The following JAZF1 variants were observed in gnomAD, a reference collection of about 807,000 sequenced individuals.
The protein encoded by JAZF1 is JAZF zinc finger 1, also known as juxtaposed with another zinc finger protein 1.
JAZF1 carries 8 observed loss-of-function variants against 26.4 expected under a neutral mutation model. The observed-to-expected ratio is 0.30, with a 90% CI of 0.18 to 0.55. JAZF1 has a LOEUF of 0.55. Ranked by LOEUF, JAZF1 falls within the 20% of genes least tolerant of loss-of-function variation. The pLI, the probability that JAZF1 is intolerant of heterozygous loss-of-function variation, is 0.94. For missense variants in JAZF1, 199 were observed against 322.0 expected (o/e 0.62, Z 2.92); for synonymous variants, 126 against 122.3 (o/e 1.03, Z -0.20).
chr7:28,135,759 T>A (rs139227086), intron 1 of JAZF1, among the ~76,000 whole-genome samples: 33 of 152,322 alleles, frequency 2.2e-4, no homozygotes, highest in African/African-American at 7.7e-4. Context: ...CAGTGACATT[T>A]ACAGCAACAC....
Position 28,002,494 on chromosome 7 carries a change from G to A in JAZF1, c.116-10513C>T, listed in dbSNP as rs1782620182. On this transcript the variant is annotated intron_variant, in intron 1 of 4. Coordinates refer to ENST00000283928, the MANE Select transcript of JAZF1 (RefSeq NM_175061.4). ...AGCTGTCTAACTTCTTTAAGCCTCAGTTTTTTTCATCCACAAGAAGTTGAT... is the reference window on the plus strand; with the variant it reads ...AGCTGTCTAACTTCTTTAAGCCTCAATTTTTTTCATCCACAAGAAGTTGAT... 2.0e-5 allele frequency among the ~76,000 whole-genome samples: 3 copies of A among 152,084 alleles called. No homozygotes were observed. In the South Asian group the frequency reaches 6.2e-4, roughly 32 times the overall value.
intron 3 of JAZF1, among the ~76,000 whole-genome samples, chr7:27,891,247 A>G (rs1783972223): frequency 6.6e-6 from 1 of 152,230 alleles, no homozygotes; most frequent in African/African-American, 2.4e-5. Context: ...GTTTTTGTAC[A>G]TAAAGTTTTA....
At position 28,180,623 on chromosome 7, in the gene JAZF1, G is replaced by T. The variant is rs1783631649; in HGVS notation, c.-46C>A. 2.6e-6 allele frequency: 4 copies of T among 1,514,412 alleles called. No homozygotes were observed. The East Asian group carries it at 9.3e-5, about 35-fold the overall frequency. The allele number at this position is 1,514,412 out of a possible 1,614,324, so 93.8% of individuals were successfully genotyped here. Reference sequence around the variant, plus strand: ...CCTGGTGTCGGCTCTGCGAGCGCCGGGCGGGCGAGGGAGGGAGGGAGGCCG... The same window carrying T: ...CCTGGTGTCGGCTCTGCGAGCGCCGTGCGGGCGAGGGAGGGAGGGAGGCCG... On this transcript the variant is annotated 5_prime_UTR_variant, in exon 1 of 5. Transcript: ENST00000283928.
chr7:27,945,653 T>C (rs921868232), intron 2 of JAZF1, among the ~76,000 whole-genome samples: 1 of 152,220 alleles, frequency 6.6e-6, no homozygotes, highest in African/African-American at 2.4e-5. Flanking sequence ...TGCATCGGCA[T>C]TGCCTGGGCA....
At chr7:28,107,936 C>G (rs1369548226) in intron 1 of JAZF1, among the ~76,000 whole-genome samples, 1 of 152,172 alleles carries the variant, frequency 6.6e-6, no homozygotes, top group African/African-American at 2.4e-5. Context: ...GATCCAGCAC[C>G]ACACCCAGGC....
intron 1 of JAZF1, among the ~76,000 whole-genome samples, chr7:28,125,606 T>C (rs1342883467): frequency 2.0e-5 from 3 of 152,202 alleles, no homozygotes; most frequent in Admixed American, 2.0e-4. Context: ...AATGTAAATG[T>C]TGACAATGCT....
At chr7:27,838,899 G>C (rs554161032) in intron 4 of JAZF1, among the ~76,000 whole-genome samples, 1 of 152,274 alleles carries the variant, frequency 6.6e-6, no homozygotes, top group African/African-American at 2.4e-5. Flanking sequence ...CAGTTAATGG[G>C]GCTGGAGCCA....
intron 1 of JAZF1, among the ~76,000 whole-genome samples, chr7:28,078,270 C>T (rs1235505966): frequency 5.3e-5 from 8 of 152,176 alleles, no homozygotes; most frequent in African/African-American, 1.9e-4. Context: ...AGCTGTGCAA[C>T]TCTATGCAAA....
At position 27,830,730 on chromosome 7, in the gene JAZF1, GA is replaced by G; in HGVS notation, c.*2069del. 5.1e-6 allele frequency: 1 copy of G among 195,558 alleles called. No individual in the cohort carries two copies. Among genetic ancestry groups the G allele is most frequent in the Non-Finnish European group, 1.1e-5 (1 of 93,776 alleles). 12.1% of individuals were successfully genotyped at this position (195,558 alleles called of 1,614,324 possible). The stretch of plus-strand genomic sequence containing the variant: ...GTGCTCTGTCCCCAACAAAACATAT[GA>G]AAATATAATTTAAAGCACAGTTTTC... On this transcript the variant is annotated 3_prime_UTR_variant, in exon 5 of 5. Transcript: ENST00000283928.
At chr7:27,989,019 T>C (rs914287287) in intron 2 of JAZF1, among the ~76,000 whole-genome samples, 3 of 150,278 alleles carry the variant, frequency 2.0e-5, no homozygotes, top group African/African-American at 2.4e-5. Context: ...GGAGGCATCA[T>C]GCTTCCTGAC....
chr7:27,936,825 T>C (rs1388764788), intron 2 of JAZF1, among the ~76,000 whole-genome samples: 1 of 152,254 alleles, frequency 6.6e-6, no homozygotes, highest in Admixed American at 6.5e-5. Context: ...GATTCCCTGT[T>C]TATTATCCCC....
At chr7:28,103,355 C>T (rs1428562436) in intron 1 of JAZF1, among the ~76,000 whole-genome samples, 1 of 152,050 alleles carries the variant, frequency 6.6e-6, no homozygotes, top group South Asian at 2.1e-4. Context: ...GTGGGAGGAT[C>T]CCTTGAGGCC....
chr7:27,968,388 T>A (rs1430514605), intron 2 of JAZF1, among the ~76,000 whole-genome samples: 2 of 152,190 alleles, frequency 1.3e-5, no homozygotes, highest in African/African-American at 4.8e-5. Flanking sequence ...TAAGGTAGAA[T>A]TCCAGAGCCT....
chr7:28,049,344 A>G (rs951906657), intron 1 of JAZF1, among the ~76,000 whole-genome samples: 1 of 151,766 alleles, frequency 6.6e-6, no homozygotes, highest in African/African-American at 2.4e-5. Flanking sequence ...TCGGCCTCCC[A>G]AAGTGCTAGG....
At chr7:27,887,842 G>A (rs2128340684) in intron 3 of JAZF1, among the ~76,000 whole-genome samples, 1 of 152,270 alleles carries the variant, frequency 6.6e-6, no homozygotes, top group South Asian at 2.1e-4. Flanking sequence ...AACATTTTCA[G>A]TAGCAAGAAG....
At position 27,832,818 on chromosome 7, in the gene JAZF1, G is replaced by A. The variant is rs749402010; in HGVS notation, c.714C>T (p.Ile238=). ...CAGCATGTTATTGCTGCATCTTCCT[G>A]ATAATCTCAGCCGACACCGGGGGAT... The part of the protein sequence containing the change: ...NFHPPVSAEI[I]RKMQQ Residue 238 remains isoleucine, a synonymous_variant, in exon 5 of 5, where the codon ATC becomes ATT. Coordinates refer to ENST00000283928, the MANE Select transcript of JAZF1 (RefSeq NM_175061.4). The A allele has an allele frequency of 1.3e-6, 2 of 1,597,778 alleles. No individual in the cohort carries two copies. Among genetic ancestry groups the A allele is most frequent in the Admixed American group, 1.7e-5 (1 of 57,614 alleles).
chr7:28,007,784 G>T (rs1782729577), intron 1 of JAZF1, among the ~76,000 whole-genome samples: 1 of 152,162 alleles, frequency 6.6e-6, no homozygotes, highest in South Asian at 2.1e-4. Flanking sequence ...TAAAAGAGCA[G>T]TTTTAGGTTC....
At chr7:27,849,752 G>GACACACACACAC (rs72394231) in intron 3 of JAZF1, among the ~76,000 whole-genome samples, 18 of 108,444 alleles carry the variant, frequency 1.7e-4, no homozygotes, top group South Asian at 2.8e-4. Context: ...CTTACACACA[G>GACACACACACAC]ACACACACAC....
chr7:28,130,820 A>C (rs762618500), intron 1 of JAZF1, among the ~76,000 whole-genome samples: 43 of 152,262 alleles, frequency 2.8e-4, no homozygotes, highest in South Asian at 1.0e-3. Flanking sequence ...AATATTCCGC[A>C]ACTTCCTGAA....
Sources: gnomAD v4.1 joint callset for allele counts (sites outside exome capture counted in the v4.1 genomes callset) on GRCh38, gnomAD v4.1.1 for gene constraint, MANE v1.5 for transcripts, NCBI Gene and HGNC (gene_info 2026-07-23, HGNC 2026-07-21) for gene names.